Variants in NOX3 observed in about 807,000 individuals in gnomAD.
The protein encoded by NOX3 is NADPH oxidase catalytic subunit-like 3.
A neutral mutation model predicts 76.7 loss-of-function variants in NOX3; 74 were observed. That is an observed-to-expected ratio of 0.96 (90% CI 0.80 to 1.17). The LOEUF (loss-of-function observed/expected upper bound fraction) is 1.17. Ranked by LOEUF, NOX3 falls within the 50% of genes most tolerant of loss-of-function variation. The pLI is 0.00. For synonymous variants in NOX3, 263 were observed against 261.1 expected (o/e 1.01, Z -0.07); for missense variants, 695 against 703.3 (o/e 0.99, Z 0.13).
chr6:155,452,492 C>T (rs1459109076), intron 4 of NOX3, among the ~76,000 whole-genome samples: 1 of 152,158 alleles, frequency 6.6e-6, no homozygotes, highest in African/African-American at 2.4e-5. Context: ...TTGGTTTAAT[C>T]CAGCGTTGAA....
chr6:155,421,295 G>A (rs1011819564), intron 10 of NOX3, among the ~76,000 whole-genome samples: 5 of 152,118 alleles, frequency 3.3e-5, no homozygotes, highest in African/African-American at 9.7e-5. Context: ...TGGAAAACAG[G>A]CCTTGTGTTA....
intron 10 of NOX3, among the ~76,000 whole-genome samples, chr6:155,418,959 C>A (rs147365661): frequency 6.6e-6 from 1 of 152,226 alleles, no homozygotes; most frequent in Non-Finnish European, 1.5e-5. Flanking sequence ...TGGCTCTCAA[C>A]GCCTATGCGA....
At chr6:155,408,411 A>G (rs1371689662) in intron 11 of NOX3, among the ~76,000 whole-genome samples, 1 of 152,104 alleles carries the variant, frequency 6.6e-6, no homozygotes, top group Non-Finnish European at 1.5e-5. Context: ...GTGGTGCTCT[A>G]TTCATTCTCA....
In NOX3 at chr6:155,443,363, G is replaced by C; in HGVS notation, c.396C>G (p.Ser132=). Residue 132 remains serine (S), a synonymous_variant, in exon 5 of 14, where the codon TCC becomes TCG. Coordinates refer to ENST00000159060, the MANE Select transcript of NOX3 (RefSeq NM_015718.3). The part of the protein sequence containing the change: ...FNLERYHWSQ[S]EEAQGLLAAL... Reference sequence around the variant, plus strand: ...CGGCCAGAAGTCCCTGGGCCTCCTCGGACTGGCTCCAGTGGTAGCGTTCCA... The same window carrying C: ...CGGCCAGAAGTCCCTGGGCCTCCTCCGACTGGCTCCAGTGGTAGCGTTCCA... The C allele has an allele frequency of 6.2e-7, 1 of 1,614,024 alleles. No homozygotes were observed. Among genetic ancestry groups the C allele is most frequent in the Non-Finnish European group, 8.5e-7 (1 of 1,179,966 alleles).
intron 10 of NOX3, among the ~76,000 whole-genome samples, chr6:155,421,693 C>T (rs114813024): frequency 0.015 from 2,259 of 152,184 alleles, 70 homozygotes; most frequent in African/African-American, 0.052. Flanking sequence ...TCTCTCTATG[C>T]GGCCCGGGCT....
chr6:155,453,805 A>G (rs1165181040), intron 3 of NOX3, among the ~76,000 whole-genome samples: 1 of 152,190 alleles, frequency 6.6e-6, no homozygotes, highest in Non-Finnish European at 1.5e-5. Context: ...ATCCTCATTC[A>G]TGTGTTTTAG....
At chr6:155,402,156 A>T (rs77492803) in intron 12 of NOX3, among the ~76,000 whole-genome samples, 3,584 of 152,322 alleles carry the variant, frequency 0.024, 88 homozygotes, top group African/African-American at 0.06. Flanking sequence ...TTTACAAAAA[A>T]TGCAATACAG....
At chr6:155,426,473 T>A (rs1043541003) in intron 9 of NOX3, among the ~76,000 whole-genome samples, 3 of 152,054 alleles carry the variant, frequency 2.0e-5, no homozygotes, top group Non-Finnish European at 4.4e-5. Context: ...ATCATGGCGA[T>A]TGAGTGACTG....
rs138128845 is a variant in NOX3, at chr6:155,441,201, C to T, written c.487-1064G>A. ...ATACATTGTGTTACTATCGTTGAGA[C>T]GGCCATGAGCTCAATAAACTCACTA... On this transcript the variant is annotated intron_variant, in intron 5 of 13. Coordinates refer to ENST00000159060, the MANE Select transcript of NOX3 (RefSeq NM_015718.3). Among the ~76,000 whole-genome samples, 19 of 152,304 alleles carry T rather than the reference C, an allele frequency of 1.2e-4. No homozygotes were observed. The East Asian group carries it at 1.7e-3, about 14-fold the overall frequency.
chr6:155,408,833 A>G (rs1026680440), intron 11 of NOX3, among the ~76,000 whole-genome samples: 7 of 152,106 alleles, frequency 4.6e-5, no homozygotes, highest in Non-Finnish European at 1.0e-4. Flanking sequence ...CCATTATCCT[A>G]AGTGAACTAA....
At chr6:155,420,607 T>A (rs1034538801) in intron 10 of NOX3, among the ~76,000 whole-genome samples, 1 of 152,192 alleles carries the variant, frequency 6.6e-6, no homozygotes, top group Non-Finnish European at 1.5e-5. Context: ...TCATCAGTAT[T>A]GAGAATATTA....
At chr6:155,428,586 CTTTTTTTTTTTT>C (rs35328292) in intron 9 of NOX3, among the ~76,000 whole-genome samples, 196 bp downstream of exon 9, 1 of 138,434 alleles carries the variant, frequency 7.2e-6, no homozygotes, top group African/African-American at 2.6e-5. Flanking sequence ...GTCTTTTTTT[CTTTTTTTTTTTT>C]TTTTTTTACA....
chr6:155,409,421 G>A (rs1163726578), intron 11 of NOX3, among the ~76,000 whole-genome samples: 3 of 152,028 alleles, frequency 2.0e-5, no homozygotes, highest in African/African-American at 7.2e-5. Context: ...TGAGAAGTTC[G>A]GGCACCATTT....
chr6:155,411,337 C>T lies in NOX3; in HGVS notation c.1332G>A (p.Arg444=). Residue 444 remains arginine (R), a synonymous_variant, in exon 11 of 14, where the codon CGG becomes CGA. Coordinates refer to ENST00000159060, the MANE Select transcript of NOX3 (RefSeq NM_015718.3). ...CAAACCACTCAAAAGCTCTTGCATCCCGGCAAATCCAGTAGAAATACACCT... is the reference window on the plus strand; with the variant it reads ...CAAACCACTCAAAAGCTCTTGCATCTCGGCAAATCCAGTAGAAATACACCT... ...LSKVYFYWIC[R]DARAFEWFAD... is the part of the protein sequence containing the mutation. 1.2e-6 allele frequency: 2 copies of T among 1,613,588 alleles called. No individual in the cohort carries two copies. The highest frequency in any genetic ancestry group is 1.3e-5 in the African/African-American group (1 of 75,004).
intron 5 of NOX3, among the ~76,000 whole-genome samples, chr6:155,440,343 C>T (rs1439262991): frequency 6.6e-6 from 1 of 152,210 alleles, no homozygotes; most frequent in Admixed American, 6.5e-5. Context: ...TCTTCCACCC[C>T]CTTCCCACCA....
chr6:155,399,846 G>A (rs377026997), intron 12 of NOX3, among the ~76,000 whole-genome samples: 1 of 151,986 alleles, frequency 6.6e-6, no homozygotes. Flanking sequence ...GAATTAAATA[G>A]AGATTCTCCG....
intron 12 of NOX3, among the ~76,000 whole-genome samples, chr6:155,399,471 A>C (rs866443328): frequency 6.6e-6 from 1 of 152,084 alleles, no homozygotes; most frequent in Non-Finnish European, 1.5e-5. Context: ...CAGGGGCCAT[A>C]TCCGCCGTGG....
At chr6:155,440,589 C>T (rs1562470104) in intron 5 of NOX3, among the ~76,000 whole-genome samples, 1 of 151,170 alleles carries the variant, frequency 6.6e-6, no homozygotes, top group African/African-American at 2.4e-5. Context: ...TGCAATGAGC[C>T]GTGATGCTGC....
In NOX3 at chr6:155,417,185, T is replaced by A. The variant is rs372107079; in HGVS notation, c.1308+5509A>T. ...GACGGTGCCCGAAGTTATGCTTTAA[T>A]GAAAAACAAAACAAATTACACTTCC... On this transcript the variant is annotated intron_variant, in intron 10 of 13. Transcript: ENST00000159060. Among the ~76,000 whole-genome samples, 90 of 152,308 alleles carry A rather than the reference T, an allele frequency of 5.9e-4. No homozygotes were observed. In the South Asian group the frequency reaches 0.017, roughly 29 times the overall value.
Sources: allele counts gnomAD v4.1 joint callset (sites outside exome capture counted in the v4.1 genomes callset), GRCh38; gene constraint gnomAD v4.1.1; transcripts MANE v1.5; gene names NCBI Gene and HGNC (gene_info 2026-07-23, HGNC 2026-07-21).